Variants in CYB5A observed in about 807,000 individuals in gnomAD.
CYB5A encodes cytochrome b5 type A.
A neutral mutation model predicts 16.2 loss-of-function variants in CYB5A; 10 were observed. That is an observed-to-expected ratio of 0.62 (90% confidence interval 0.38 to 1.04). CYB5A has a LOEUF of 1.04. Ranked by LOEUF, CYB5A falls within the 50% of genes least tolerant of loss-of-function variation. The pLI is 0.01. For missense variants in CYB5A, 161 were observed against 165.9 expected, an observed-to-expected ratio of 0.97 and a Z score of 0.16; for synonymous variants, 62 against 57.0, an observed-to-expected ratio of 1.09 and a Z score of -0.40.
At chr18:74,289,595 T>A (rs7234123) in intron 1 of CYB5A, among the ~76,000 whole-genome samples, 64,621 of 151,766 alleles carry the variant, frequency 0.43, 15,954 homozygotes, top group African/African-American at 0.69. Context: ...GGCCAACATG[T>A]TGAAACCCTG....
At chr18:74,263,504 A>C in intron 1 of CYB5A, 27 bp from the exon 2 acceptor site, 4 of 1,582,682 alleles carry the variant, frequency 2.5e-6, no homozygotes, top group Non-Finnish European at 3.5e-6. Context: ...TAGAATAAAA[A>C]TTTTTTTTTC....
chr18:74,271,057 C>T (rs968403300), intron 1 of CYB5A, among the ~76,000 whole-genome samples: 2 of 152,234 alleles, frequency 1.3e-5, no homozygotes, highest in African/African-American at 2.4e-5. Flanking sequence ...TCCTCCAGTT[C>T]ATAGCACTCT....
chr18:74,269,229 G>A (rs7239151), intron 1 of CYB5A, among the ~76,000 whole-genome samples: 93,487 of 151,982 alleles, frequency 0.62, 29,677 homozygotes, highest in Middle Eastern at 0.71. Flanking sequence ...ATAAAAGTTC[G>A]CAGCAGAATT....
rs1280374338 is a variant in CYB5A at position 74,252,431 on chromosome 18, T to C, written c.*1153A>G. ...CTCTTCAGAGCTTGACACTAGCCGCTAAATTTCTTCAAAGATCAGATTCCA... is the reference window on the plus strand; with the variant it reads ...CTCTTCAGAGCTTGACACTAGCCGCCAAATTTCTTCAAAGATCAGATTCCA... On this transcript the variant is annotated 3_prime_UTR_variant, in exon 5 of 5. Coordinates refer to ENST00000340533, the MANE Select transcript of CYB5A (RefSeq NM_148923.4). 6.6e-6 allele frequency: 1 copy of C among 152,244 alleles called. No homozygotes were observed. The highest frequency in any genetic ancestry group is 1.5e-5 in the Non-Finnish European group (1 of 68,052). 9.4% of individuals were successfully genotyped at this position (152,244 alleles called of 1,614,324 possible).
At chr18:74,274,459 T>C (rs991758122) in intron 1 of CYB5A, among the ~76,000 whole-genome samples, 1 of 152,226 alleles carries the variant, frequency 6.6e-6, no homozygotes, top group Non-Finnish European at 1.5e-5. Flanking sequence ...TACAGATGAT[T>C]TCAATAAATA....
chr18:74,274,497 C>T (rs780077468), intron 1 of CYB5A, among the ~76,000 whole-genome samples: 1 of 152,096 alleles, frequency 6.6e-6, no homozygotes, highest in Non-Finnish European at 1.5e-5. Context: ...AGGCAATAAT[C>T]GTAAGGAGAA....
At chr18:74,262,573 G>A (rs1404628338) in intron 2 of CYB5A, among the ~76,000 whole-genome samples, 1 of 152,186 alleles carries the variant, frequency 6.6e-6, no homozygotes, top group Non-Finnish European at 1.5e-5. Context: ...GTAGAATATG[G>A]ACAATGTGCT....
intron 1 of CYB5A, among the ~76,000 whole-genome samples, chr18:74,269,533 C>G (rs943483658): frequency 2.6e-5 from 4 of 151,662 alleles, no homozygotes; most frequent in Admixed American, 6.6e-5. Flanking sequence ...AGTACTTCCA[C>G]TCCATAGCTA....
chr18:74,273,512 C>CA (rs1982751117), intron 1 of CYB5A, among the ~76,000 whole-genome samples: 1 of 152,104 alleles, frequency 6.6e-6, no homozygotes, highest in South Asian at 2.1e-4. Flanking sequence ...TTAATAGCAC[C>CA]AAGCCAGTAT....
intron 1 of CYB5A, among the ~76,000 whole-genome samples, chr18:74,277,956 A>G (rs1469226607): frequency 2.0e-5 from 3 of 152,220 alleles, no homozygotes; most frequent in African/African-American, 7.2e-5. Context: ...CAGCCTGAAC[A>G]AATGCCTTCA....
intron 1 of CYB5A, among the ~76,000 whole-genome samples, chr18:74,278,632 T>A (rs996236354): frequency 6.6e-6 from 1 of 152,166 alleles, no homozygotes; most frequent in Non-Finnish European, 1.5e-5. Flanking sequence ...CACAGAAACA[T>A]CCTATGATAA....
chr18:74,284,553 T>A (rs780292983), intron 1 of CYB5A, among the ~76,000 whole-genome samples: 3 of 152,142 alleles, frequency 2.0e-5, no homozygotes, highest in Admixed American at 6.5e-5. Flanking sequence ...AATGAATAGG[T>A]CTGCCAAGAA....
intron 3 of CYB5A, chr18:74,257,571 C>T (rs548044348): frequency 1.3e-5 from 2 of 152,456 alleles, no homozygotes; most frequent in East Asian, 3.9e-4. Context: ...GCCACCTGTT[C>T]ACTCCATGAC....
At chr18:74,282,877 A>G (rs1239142527) in intron 1 of CYB5A, among the ~76,000 whole-genome samples, 1 of 152,226 alleles carries the variant, frequency 6.6e-6, no homozygotes, top group Admixed American at 6.5e-5. Context: ...AAGCCATTGA[A>G]AGGAACTGAA....
At chr18:74,269,533 C>T (rs943483658) in intron 1 of CYB5A, among the ~76,000 whole-genome samples, 2 of 151,662 alleles carry the variant, frequency 1.3e-5, no homozygotes, top group African/African-American at 2.4e-5. Context: ...AGTACTTCCA[C>T]TCCATAGCTA....
intron 3 of CYB5A, chr18:74,260,521 A>G (rs1982156621): frequency 2.8e-5 from 9 of 317,164 alleles, no homozygotes; most frequent in South Asian, 2.5e-4. Flanking sequence ...AAAGATGAAG[A>G]AGACATGAGA....
At chr18:74,259,690 C>T (rs905939840) in intron 3 of CYB5A, 5 of 150,278 alleles carry the variant, frequency 3.3e-5, no homozygotes, top group African/African-American at 1.3e-4. Flanking sequence ...GATTAACATG[C>T]TGAACACATG....
rs138752430 is a variant in CYB5A, at chr18:74,268,361, C to G, written c.130-4884G>C. 2.3e-4 allele frequency among the ~76,000 whole-genome samples: 35 copies of G among 152,086 alleles called. 2 individuals are homozygous for G. In the East Asian group the frequency reaches 6.8e-3, roughly 30 times the overall value. On this transcript the variant is annotated intron_variant, in intron 1 of 4. Transcript: ENST00000340533. ...GTGTCTGGGGAAGGTGTTGCAGGGG[C>G]GGGGAACAGCGAATTCAGGACCTGG...
At chr18:74,283,797 G>A (rs1024947560) in intron 1 of CYB5A, among the ~76,000 whole-genome samples, 2 of 152,168 alleles carry the variant, frequency 1.3e-5, no homozygotes, top group African/African-American at 2.4e-5. Flanking sequence ...CGCAGCGCCC[G>A]CAGCCTGGAC....
Sources: gnomAD v4.1 joint callset for allele counts (sites outside exome capture counted in the v4.1 genomes callset) on GRCh38, gnomAD v4.1.1 for gene constraint, MANE v1.5 for transcripts, NCBI Gene and HGNC (gene_info 2026-07-23, HGNC 2026-07-21) for gene names.